The following MTREX variants were observed in gnomAD, a reference collection of about 807,000 sequenced individuals.
MTREX encodes the protein Mtr4 exosome RNA helicase.
In MTREX, 76 loss-of-function variants were observed where a neutral mutation model predicts 135.4. That is an observed-to-expected ratio of 0.56 (90% CI 0.47 to 0.68). The LOEUF (loss-of-function observed/expected upper bound fraction) is 0.68, where lower values mean the gene tolerates loss of function less well. Ranked by LOEUF, MTREX falls within the 30% of genes least tolerant of loss-of-function variation. The probability of loss-of-function intolerance (pLI) is 0.00; values close to 1 mark genes in which losing one functional copy is unlikely to be tolerated. For synonymous variants in MTREX, 404 were observed against 401.6 expected, an observed-to-expected ratio of 1.01 and a Z score of -0.07; for missense variants, 920 against 1,262.1, an observed-to-expected ratio of 0.73 and a Z score of 4.11.
At chr5:55,316,691 A>G (rs937064309) in intron 1 of MTREX, among the ~76,000 whole-genome samples, 2 of 152,220 alleles carry the variant, frequency 1.3e-5, no homozygotes, top group African/African-American at 4.8e-5. Flanking sequence ...TGAAAAAGTG[A>G]AAGCTGGAAG....
chr5:55,388,086 A>G lies in MTREX; in HGVS notation c.2165A>G (p.Glu722Gly), dbSNP rs760179892. ...GCTGCAAAACCAGCTAAACCTGATG[A>G]GAAAGGAGAGATGCAGGTTTGTACA... ...TEAAKPAKPD[E>G]KGEMQVVPVL... Residue 722 changes from glutamate (E) to glycine (G), a missense_variant, in exon 19 of 27, where the codon GAG (glutamate) becomes GGG (glycine). Physicochemically the swap from Glu to Gly is moderately conservative, Grantham distance 98. Coordinates refer to ENST00000230640, the MANE Select transcript of MTREX (RefSeq NM_015360.5). 47 of 1,606,342 alleles carry G rather than the reference A, an allele frequency of 2.9e-5. No individual in the cohort carries two copies. The highest frequency in any genetic ancestry group is 3.7e-5 in the Non-Finnish European group (44 of 1,174,812).
intron 23 of MTREX, among the ~76,000 whole-genome samples, chr5:55,411,222 C>T (rs1371763480): frequency 6.6e-6 from 1 of 152,168 alleles, no homozygotes; most frequent in Non-Finnish European, 1.5e-5. Flanking sequence ...CCTTGTACTG[C>T]ATTCCAAAAA....
intron 26 of MTREX, 51 bp from the exon 27 acceptor site, chr5:55,424,669 T>G (rs1751120328): frequency 3.0e-6 from 4 of 1,343,040 alleles, no homozygotes; most frequent in Non-Finnish European, 4.3e-6. Context: ...TAGAGGCAAG[T>G]TAGGTGTTTT....
intron 14 of MTREX, 150 bp downstream of exon 14, chr5:55,353,419 T>C (rs1749859623): frequency 3.9e-6 from 2 of 511,638 alleles, no homozygotes; most frequent in Non-Finnish European, 6.6e-6. Flanking sequence ...ACCTTGGCTT[T>C]TGGCCATTTG....
At chr5:55,390,866 A>G (rs998020881) in intron 19 of MTREX, among the ~76,000 whole-genome samples, 2 of 152,180 alleles carry the variant, frequency 1.3e-5, no homozygotes, top group Admixed American at 6.5e-5. Flanking sequence ...GCAGGTTTCA[A>G]GTTTACCTTG....
chr5:55,424,661 G>A lies in MTREX; in HGVS notation c.3077-59G>A, dbSNP rs543901084. On this transcript the variant is annotated intron_variant, in intron 26 of 26. Transcript: ENST00000230640. ...GTATACTGGCTTTAAAATTTCGGTA[G>A]AGGCAAGTTAGGTGTTTTGTGGTCT... 6.3e-6 allele frequency: 8 copies of A among 1,270,750 alleles called. No homozygotes were observed. In the African/African-American group the frequency reaches 1.0e-4, roughly 16 times the overall value. 78.7% of individuals were successfully genotyped at this position (1,270,750 alleles called of 1,614,324 possible). A position where few individuals can be genotyped will look rare whatever the true frequency, so the allele number is the denominator to read the frequency against.
chr5:55,324,293 G>A, intron 3 of MTREX, 95 bp downstream of exon 3: 2 of 793,938 alleles, frequency 2.5e-6, no homozygotes, highest in South Asian at 2.1e-5. Flanking sequence ...TAGCCATGAG[G>A]ACCTTGGAAA....
intron 22 of MTREX, among the ~76,000 whole-genome samples, chr5:55,408,304 C>T (rs774750584): frequency 6.6e-6 from 1 of 152,104 alleles, no homozygotes; most frequent in South Asian, 2.1e-4. Flanking sequence ...TTTTAGGCTC[C>T]TCACCTTTTT....
At chr5:55,400,143 T>C (rs1214474196) in intron 20 of MTREX, 90 bp from the exon 21 acceptor site, 6 of 921,694 alleles carry the variant, frequency 6.5e-6, no homozygotes, top group South Asian at 2.2e-5. Flanking sequence ...TTTATGTCCA[T>C]GTGCATAGAA....
At chr5:55,330,417 T>C (rs920553139) in intron 5 of MTREX, among the ~76,000 whole-genome samples, 2 of 152,092 alleles carry the variant, frequency 1.3e-5, no homozygotes, top group African/African-American at 2.4e-5. Flanking sequence ...TTCAATTTAT[T>C]TTTGTTTTCC....
intron 18 of MTREX, among the ~76,000 whole-genome samples, chr5:55,386,683 A>G (rs926047821): frequency 6.6e-6 from 1 of 152,132 alleles, no homozygotes; most frequent in Non-Finnish European, 1.5e-5. Flanking sequence ...AGAATATTAA[A>G]TTTATTAATC....
In MTREX at chr5:55,308,130, G is replaced by T; in HGVS notation, c.117G>T (p.Gly39=). ...AGGGGAAATGGAAGGGGCCTCCAGG[G>T]TCTGCAGACAAGGCAGGGTAAGGAA... ...KDKGKWKGPP[G]SADKAGKRFD... Residue 39 remains glycine (G), a synonymous_variant, in exon 1 of 27, where the codon GGG becomes GGT. Transcript: ENST00000230640. The T allele has an allele frequency of 1.2e-6, 2 of 1,609,080 alleles. No homozygotes were observed. Among genetic ancestry groups the T allele is most frequent in the South Asian group, 1.1e-5 (1 of 90,706 alleles).
rs10471411 is a variant in MTREX at position 55,336,602 on chromosome 5, A to G, written c.516-3408A>G. Among the ~76,000 whole-genome samples, 899 of 152,250 alleles carry G rather than the reference A, an allele frequency of 5.9e-3. 5 individuals carry two copies. Among genetic ancestry groups the G allele is most frequent in the Non-Finnish European group, 9.6e-3 (653 of 68,008 alleles). On this transcript the variant is annotated intron_variant, in intron 5 of 26. Transcript: ENST00000230640. ...GTTTATGGCAGATGATCATTTGTGT[A>G]TGTTACTGATTTCAGTTTGCCAGTA... is the stretch of plus-strand genomic sequence containing the variant.
chr5:55,369,861 C>T (rs1750166954), intron 16 of MTREX, among the ~76,000 whole-genome samples: 1 of 152,078 alleles, frequency 6.6e-6, no homozygotes, highest in African/African-American at 2.4e-5. Flanking sequence ...GAATTCCTGA[C>T]AGCTTTTGTA....
Position 55,405,580 on chromosome 5 carries a change from G to T in MTREX, c.2637G>T (p.Glu879Asp). ...AGATGAAAGGACGAGTGGCTTGTGA[G>T]ATAAGCAGGTAAAATCTGGTTATTG... Reference protein sequence around the residue: ...VIEMKGRVACEISSADELLLT... With the variant: ...VIEMKGRVACDISSADELLLT... Residue 879 changes from glutamate (E) to aspartate (D), a missense_variant, in exon 22 of 27, where the codon GAG becomes GAT. Glu to Asp is a conservative substitution (Grantham distance 45). Around this residue, in one of 6 missense-constraint regions of MTREX, gnomAD observed 467 missense variants for 589.7 expected, o/e 0.79. Transcript: ENST00000230640. The T allele has an allele frequency of 6.2e-7, 1 of 1,610,414 alleles. No homozygotes were observed. The highest frequency in any genetic ancestry group is 8.5e-7 in the Non-Finnish European group (1 of 1,177,946).
chr5:55,377,322 G>A (rs567290608), intron 16 of MTREX, among the ~76,000 whole-genome samples: 12 of 151,850 alleles, frequency 7.9e-5, no homozygotes, highest in East Asian at 1.9e-4. Flanking sequence ...GCGAGACTCC[G>A]TCTCTAAAAA....
At chr5:55,406,393 G>A (rs1750806611) in intron 22 of MTREX, among the ~76,000 whole-genome samples, 1 of 152,168 alleles carries the variant, frequency 6.6e-6, no homozygotes, top group South Asian at 2.1e-4. Flanking sequence ...CATGTGGGCT[G>A]GTTTGGGCTT....
chr5:55,339,893 G>C, intron 5 of MTREX, 117 bp from the exon 6 acceptor site: 1 of 570,368 alleles, frequency 1.8e-6, no homozygotes, highest in East Asian at 3.2e-5. Flanking sequence ...CTGTTCTTCA[G>C]AGTCCATTCA....
At chr5:55,406,555 T>G (rs1377259019) in intron 22 of MTREX, among the ~76,000 whole-genome samples, 2 of 152,068 alleles carry the variant, frequency 1.3e-5, no homozygotes, top group African/African-American at 4.8e-5. Context: ...CACCACATTC[T>G]CTTGATTACA....
Sources: allele counts gnomAD v4.1 joint callset (sites outside exome capture counted in the v4.1 genomes callset), GRCh38; gene constraint gnomAD v4.1.1; regional missense constraint gnomAD v4.1.1; transcripts MANE v1.5; gene names NCBI Gene and HGNC (gene_info 2026-07-23, HGNC 2026-07-21).